ANKMY1: variants seen among roughly 807,000 people sequenced by gnomAD.
The protein encoded by ANKMY1 is ankyrin repeat and MYND domain containing 1.
Under a neutral mutation model 102.0 loss-of-function variants are expected in ANKMY1, and 98 were observed. The observed-to-expected ratio is 0.96, with a 90% confidence interval of 0.82 to 1.14. The LOEUF is 1.14. ANKMY1 is among the 50% of genes most tolerant of loss of function. The pLI is 0.00. For synonymous variants in ANKMY1, 582 were observed against 559.9 expected (o/e 1.04, Z -0.56); for missense variants, 1,330 against 1,347.6 (o/e 0.99, Z 0.20).
chr2:240,482,302 G>T, intron 15 of ANKMY1, 41 bp from the exon 16 acceptor site: 1 of 1,572,780 alleles, frequency 6.4e-7, no homozygotes. Flanking sequence ...CACGTGGCAG[G>T]GTGGGGGCCA....
At chr2:240,516,740 T>A (rs1337358766) in intron 9 of ANKMY1, among the ~76,000 whole-genome samples, 1 of 152,234 alleles carries the variant, frequency 6.6e-6, no homozygotes, top group East Asian at 1.9e-4. Context: ...ATGTTTCTGA[T>A]AACTTTGGAG....
Position 240,512,782 on chromosome 2 carries a change from C to G in ANKMY1, c.2145+20G>C. On this transcript the variant is annotated intron_variant, in intron 10 of 17. Coordinates refer to ENST00000401804, the MANE Select transcript of ANKMY1 (RefSeq NM_001282771.3). ...CCTGGCCAAGGCCCCATACCCCTAT[C>G]CAGGTCGCGAGGTACACACCTTGCC... The G allele has an allele frequency of 6.2e-7, 1 of 1,608,238 alleles. No homozygotes were observed. The highest frequency in any genetic ancestry group is 8.5e-7 in the Non-Finnish European group (1 of 1,176,786).
At chr2:240,488,883 T>A (rs2076337656) in intron 15 of ANKMY1, among the ~76,000 whole-genome samples, 1 of 152,192 alleles carries the variant, frequency 6.6e-6, no homozygotes, top group African/African-American at 2.4e-5. Context: ...TCTTTAGGTT[T>A]TTCTAGATAT....
At chr2:240,532,030 A>G in intron 4 of ANKMY1, 1 of 450,134 alleles carries the variant, frequency 2.2e-6, no homozygotes, top group South Asian at 1.6e-5. Flanking sequence ...ACATACCTGC[A>G]ATTCGAGTAC....
intron 15 of ANKMY1, among the ~76,000 whole-genome samples, chr2:240,482,890 G>C (rs938701526): frequency 6.6e-6 from 1 of 152,116 alleles, no homozygotes; most frequent in African/African-American, 2.4e-5. Flanking sequence ...GTGAGGAGTT[G>C]ACATTTCTGA....
intron 15 of ANKMY1, among the ~76,000 whole-genome samples, chr2:240,496,316 C>A (rs974514489): frequency 6.6e-6 from 1 of 151,966 alleles, no homozygotes; most frequent in Non-Finnish European, 1.5e-5. Context: ...ATTCTTCCTG[C>A]TTCTTTCTCT....
chr2:240,524,323 A>G lies in ANKMY1; in HGVS notation c.1394T>C (p.Leu465Pro). The stretch of plus-strand genomic sequence containing the variant: ...GTTCACCTCATAGTACAGAGACTCC[A>G]GGTTTGTGTCCATAAATGATGATGA... The part of the protein sequence containing the change: ...ILSSSFMDTN[L>P]ESLYYEVNVP... Residue 465 changes from leucine (L) to proline (P), a missense_variant, in exon 8 of 18, where the codon CTG (leucine) becomes CCG (proline). Transcript: ENST00000401804. The G allele has an allele frequency of 6.2e-7, 1 of 1,612,956 alleles. No individual in the cohort carries two copies. The highest frequency in any genetic ancestry group is 8.5e-7 in the Non-Finnish European group (1 of 1,179,482).
chr2:240,553,395 C>G, intron 3 of ANKMY1: 1 of 281,568 alleles, frequency 3.6e-6, no homozygotes, highest in East Asian at 8.5e-5. Context: ...GTCCTGTCCC[C>G]ACTCAGGAGC....
chr2:240,488,273 T>C (rs1337826730), intron 15 of ANKMY1, among the ~76,000 whole-genome samples: 1 of 152,166 alleles, frequency 6.6e-6, no homozygotes, highest in East Asian at 1.9e-4. Context: ...CAGAGATCAG[T>C]TGGCTGTAAA....
intron 13 of ANKMY1, among the ~76,000 whole-genome samples, chr2:240,501,656 G>T (rs1175071730): frequency 1.3e-5 from 2 of 152,210 alleles, no homozygotes; most frequent in East Asian, 3.9e-4. Flanking sequence ...CGCAAACACT[G>T]GAGCCCTGCA....
At chr2:240,527,120 A>C in intron 5 of ANKMY1, 1 of 427,888 alleles carries the variant, frequency 2.3e-6, no homozygotes, top group South Asian at 1.0e-4. Flanking sequence ...GGGTGGGAAG[A>C]TGGATGGATG....
chr2:240,529,636 T>G lies in ANKMY1; in HGVS notation c.481-127A>C. 2 of 918,282 alleles carry G rather than the reference T, an allele frequency of 2.2e-6. No individual in the cohort carries two copies. The allele number at this position is 918,282 out of a possible 1,614,324, so 56.9% of individuals were successfully genotyped here. On this transcript the variant is annotated intron_variant, in intron 4 of 17. Transcript: ENST00000401804. The surrounding 1 kb of genome is among the most constrained non-coding windows in gnomAD (Gnocchi z 4.2). ...CCAAGAAATGCATGCATTCAGCCAGTAAACATCTCTGGAGGCTTAGGCTGT... is the reference window on the plus strand; with the variant it reads ...CCAAGAAATGCATGCATTCAGCCAGGAAACATCTCTGGAGGCTTAGGCTGT...
intron 4 of ANKMY1, among the ~76,000 whole-genome samples, chr2:240,549,869 G>C (rs1054875693): frequency 6.6e-6 from 1 of 151,952 alleles, no homozygotes; most frequent in Admixed American, 6.6e-5. Flanking sequence ...GGAAACAACA[G>C]GTGCTGGAGA....
At chr2:240,484,779 A>G (rs534794379) in intron 15 of ANKMY1, among the ~76,000 whole-genome samples, 25 of 152,350 alleles carry the variant, frequency 1.6e-4, no homozygotes, top group African/African-American at 5.8e-4. Context: ...ACAGAATGGG[A>G]GAAAATTTTT....
intron 15 of ANKMY1, among the ~76,000 whole-genome samples, chr2:240,494,657 A>G (rs1268181652): frequency 1.3e-5 from 2 of 152,126 alleles, no homozygotes; most frequent in East Asian, 1.9e-4. Flanking sequence ...TAGGTCTCAG[A>G]AAGGGTGTGG....
Position 240,499,839 on chromosome 2 carries a change from AGCCC to A in ANKMY1, c.2806+115_2806+118del. 2 of 1,317,492 alleles carry A rather than the reference AGCCC, an allele frequency of 1.5e-6. No homozygotes were observed. The highest frequency in any genetic ancestry group is 3.1e-5 in the South Asian group (2 of 63,592). 81.6% of individuals were successfully genotyped at this position (1,317,492 alleles called of 1,614,324 possible). A position where few individuals can be genotyped will look rare whatever the true frequency, so the allele number is the denominator to read the frequency against. ...ACAAAGGGGACAAGCCGACGAGCCC[AGCCC>A]CAGGAAGGCCCCTCCAAGAGCCCCA... On this transcript the variant is annotated intron_variant, in intron 15 of 17. Transcript: ENST00000401804. The surrounding 1 kb of genome is among the most constrained non-coding windows in gnomAD (Gnocchi z 4.2).
chr2:240,469,071 A>G, the ANKMY1 span, among the ~76,000 whole-genome samples: 320 of 152,326 alleles, frequency 2.1e-3, no homozygotes, highest in South Asian at 2.9e-3. Flanking sequence ...CCTAGGGGAC[A>G]GGTGAGCAGC....
At chr2:240,497,564 T>G (rs569368230) in intron 15 of ANKMY1, among the ~76,000 whole-genome samples, 1 of 152,342 alleles carries the variant, frequency 6.6e-6, no homozygotes, top group Admixed American at 6.5e-5. Flanking sequence ...AGATCAGTCC[T>G]TGGGGTGTGT....
At chr2:240,508,225 G>A (rs750046455) in intron 12 of ANKMY1, among the ~76,000 whole-genome samples, 2 of 152,250 alleles carry the variant, frequency 1.3e-5, no homozygotes, top group East Asian at 1.9e-4. Context: ...AAGGACAGCC[G>A]TGGCCAGACA....
Sources: gnomAD v4.1 joint callset for allele counts (sites outside exome capture counted in the v4.1 genomes callset) on GRCh38, gnomAD v4.1.1 for gene constraint, Gnocchi (gnomAD v3.1) non-coding constraint, MANE v1.5 for transcripts, NCBI Gene and HGNC (gene_info 2026-07-23, HGNC 2026-07-21) for gene names.